The following DLGAP2 variants were observed in gnomAD, a reference collection of about 807,000 sequenced individuals.
The protein encoded by DLGAP2 is disks large-associated protein 2.
In DLGAP2, 26 loss-of-function variants were observed where a neutral mutation model predicts 100.3. The observed-to-expected ratio is 0.26, with a 90% CI of 0.19 to 0.36. The LOEUF (loss-of-function observed/expected upper bound fraction) is 0.36. Ranked by LOEUF, DLGAP2 falls within the 10% of genes least tolerant of loss-of-function variation. The probability of loss-of-function intolerance (pLI) is 1.00; values close to 1 mark genes in which losing one functional copy is unlikely to be tolerated. For missense variants in DLGAP2, 1,858 were observed against 1,453.2 expected, an observed-to-expected ratio of 1.28 and a Z score of -4.53; for synonymous variants, 886 against 630.1, an observed-to-expected ratio of 1.41 and a Z score of -6.08.
chr8:753,755 C>G (rs1308746635), intron 1 of DLGAP2: 1 of 152,250 alleles, frequency 6.6e-6, no homozygotes, highest in Non-Finnish European at 1.5e-5. Flanking sequence ...CTTGCGTGTC[C>G]TCTAAGATGA....
chr8:926,050 A>G (rs1798807769), intron 2 of DLGAP2, among the ~76,000 whole-genome samples: 1 of 152,148 alleles, frequency 6.6e-6, no homozygotes. Context: ...GGTCTTAGCC[A>G]TGCTGTCAAT....
chr8:1,538,633 G>A (rs1051687794), intron 4 of DLGAP2, among the ~76,000 whole-genome samples: 3 of 152,104 alleles, frequency 2.0e-5, no homozygotes, highest in African/African-American at 7.2e-5. Context: ...CATGCTCACC[G>A]CTTGCTTTCT....
intron 2 of DLGAP2, among the ~76,000 whole-genome samples, chr8:1,084,185 T>C (rs570096197): frequency 6.6e-6 from 1 of 152,352 alleles, no homozygotes; most frequent in African/African-American, 2.4e-5. Flanking sequence ...TCAAAAGGTC[T>C]AGTCTGTCAA....
At chr8:1,599,344 T>C (rs1438702671) in intron 6 of DLGAP2, among the ~76,000 whole-genome samples, 1 of 152,196 alleles carries the variant, frequency 6.6e-6, no homozygotes, top group Non-Finnish European at 1.5e-5. Context: ...ATTCTGTTGA[T>C]TTAGGGTGGA....
In DLGAP2 at chr8:778,015, G is replaced by A. The variant is rs372098270; in HGVS notation, c.18+40190G>A. 8.1e-3 allele frequency among the ~76,000 whole-genome samples: 1,219 copies of A among 151,210 alleles called. 13 individuals carry two copies. The highest frequency in any genetic ancestry group is 0.027 in the African/African-American group (1,108 of 41,110). On this transcript the variant is annotated intron_variant, in intron 1 of 14. Transcript: ENST00000637795. ...TCAGACGTAGATTTGGTCTTTTCAC[G>A]TAGTCCCATATTTCTTGGAGGCTTT...
At chr8:1,326,484 C>T (rs541692350) in intron 3 of DLGAP2, among the ~76,000 whole-genome samples, 7 of 151,990 alleles carry the variant, frequency 4.6e-5, no homozygotes, top group Non-Finnish European at 8.8e-5. Flanking sequence ...CGCTCGGTCT[C>T]GGTCCGGGCC....
At chr8:1,267,594 AAGATAAGATAAGATAAGATAAGATAAGAT>A (rs1352901423) in intron 3 of DLGAP2, among the ~76,000 whole-genome samples, 4 of 51,582 alleles carry the variant, frequency 7.8e-5, no homozygotes, top group African/African-American at 2.5e-4. Flanking sequence ...AAAATAAGAT[AAGATAAGATAAGATAAGATAAGATAAGAT>A]AAATATTAAA....
rs117359131 is a variant in DLGAP2, at chr8:1,031,721, A to G, written c.73+123755A>G. Among the ~76,000 whole-genome samples the G allele has an allele frequency of 3.1e-4, 47 of 152,388 alleles. 1 individual carries two copies. The East Asian group carries it at 5.0e-3, about 16-fold the overall frequency. On this transcript the variant is annotated intron_variant, in intron 2 of 14. Transcript: ENST00000637795. ...GGAAAAAAAATAATGACCCCTTTCA[A>G]AAAGAGCACTGATGCCGAAGTATGG...
chr8:928,737 G>A (rs555284970), intron 2 of DLGAP2, among the ~76,000 whole-genome samples: 4 of 152,174 alleles, frequency 2.6e-5, no homozygotes, highest in Admixed American at 1.3e-4. Flanking sequence ...GGTGGGAATC[G>A]CTGCCCTCGA....
intron 2 of DLGAP2, among the ~76,000 whole-genome samples, chr8:1,049,919 CAT>C (rs1428793247): frequency 6.6e-6 from 1 of 152,230 alleles, no homozygotes; most frequent in Admixed American, 6.5e-5. Context: ...CAGGCAGACA[CAT>C]GCATATGTAC....
intron 3 of DLGAP2, among the ~76,000 whole-genome samples, chr8:1,308,270 G>C (rs558667593): frequency 6.6e-6 from 1 of 152,268 alleles, no homozygotes; most frequent in South Asian, 2.1e-4. Flanking sequence ...CAACATACTA[G>C]CTTGAAACAA....
intron 1 of DLGAP2, among the ~76,000 whole-genome samples, chr8:791,713 A>G (rs1019864875): frequency 3.9e-5 from 6 of 152,190 alleles, no homozygotes; most frequent in African/African-American, 1.4e-4. Context: ...AAACTTTTTT[A>G]TTTGGGAGTA....
intron 2 of DLGAP2, among the ~76,000 whole-genome samples, chr8:1,141,832 T>A (rs1165554627): frequency 6.6e-6 from 1 of 152,192 alleles, no homozygotes; most frequent in Non-Finnish European, 1.5e-5. Context: ...TACAAAAGCT[T>A]GATGCTTATG....
At chr8:1,340,491 T>C (rs1283374140) in intron 3 of DLGAP2, among the ~76,000 whole-genome samples, 1 of 152,206 alleles carries the variant, frequency 6.6e-6, no homozygotes, top group East Asian at 1.9e-4. Flanking sequence ...TCAACATCAC[T>C]GACCATTAAA....
intron 1 of DLGAP2, among the ~76,000 whole-genome samples, chr8:881,679 A>G: frequency 2.0e-5 from 1 of 50,042 alleles, no homozygotes; most frequent in East Asian, 2.2e-4. Context: ...ACACACACAC[A>G]CACTTTTTTT....
chr8:800,268 A>T (rs536089934), intron 1 of DLGAP2, among the ~76,000 whole-genome samples: 14 of 152,328 alleles, frequency 9.2e-5, no homozygotes, highest in African/African-American at 2.6e-4. Context: ...GGTTTTAAAG[A>T]TGTACAGACA....
intron 3 of DLGAP2, among the ~76,000 whole-genome samples, chr8:1,451,935 G>C (rs113872075): frequency 6.6e-6 from 1 of 152,208 alleles, no homozygotes; most frequent in African/African-American, 2.4e-5. Context: ...GCTCTCTTCC[G>C]TGTTATCTGT....
intron 1 of DLGAP2, among the ~76,000 whole-genome samples, chr8:808,160 G>T (rs866350717): frequency 4.6e-5 from 7 of 152,270 alleles, no homozygotes; most frequent in Middle Eastern, 3.4e-3. Context: ...GGCTTTCTGT[G>T]TCATGGTGTG....
chr8:1,201,618 C>G (rs1465292037), intron 2 of DLGAP2, among the ~76,000 whole-genome samples: 1 of 152,206 alleles, frequency 6.6e-6, no homozygotes, highest in Non-Finnish European at 1.5e-5. Flanking sequence ...AGGTGCAGCT[C>G]ACACAGGGAT....
Sources: allele counts gnomAD v4.1 joint callset (sites outside exome capture counted in the v4.1 genomes callset), GRCh38; gene constraint gnomAD v4.1.1; transcripts MANE v1.5; gene names NCBI Gene and HGNC (gene_info 2026-07-23, HGNC 2026-07-21).